Variants in MBP observed in about 807,000 individuals in gnomAD.
The protein encoded by MBP is myelin basic protein, also known as Golli-MBP.
In MBP, 16 loss-of-function variants were observed where a neutral mutation model predicts 35.8. That is an observed-to-expected ratio of 0.45 (90% CI 0.30 to 0.68). The LOEUF is 0.68. MBP is among the 30% of genes least tolerant of loss of function. MBP has a pLI of 0.08. For synonymous variants in MBP, 143 were observed against 159.6 expected, an observed-to-expected ratio of 0.90 and a Z score of 0.78; for missense variants, 380 against 404.7, an observed-to-expected ratio of 0.94 and a Z score of 0.52.
chr18:77,101,498 A>G lies in MBP; in HGVS notation c.51+3713T>C, dbSNP rs1383212943. On this transcript the variant is annotated intron_variant, in intron 2 of 8. Coordinates refer to ENST00000355994, the MANE Select transcript of MBP (RefSeq NM_001025101.2). The surrounding 1 kb of genome is among the most constrained non-coding windows in gnomAD (Gnocchi z 4.3). ...CCGCATGAGTGAATCATGAGTCAGG[A>G]GGGCAGGCTGCCCACTCCTCTGATG... Among the ~76,000 whole-genome samples the G allele has an allele frequency of 6.6e-6, 1 of 152,164 alleles. No individual in the cohort carries two copies.
intron 2 of MBP, among the ~76,000 whole-genome samples, chr18:77,099,269 C>T (rs556851813): frequency 1.4e-4 from 21 of 152,282 alleles, no homozygotes; most frequent in Middle Eastern, 3.4e-3. Flanking sequence ...GGCGTGGGCA[C>T]GGCCAGGGTT....
In MBP at chr18:77,044,201, G is replaced by C. The variant is rs1020069389; in HGVS notation, c.139+22097C>G. 1.6e-4 allele frequency among the ~76,000 whole-genome samples: 24 copies of C among 152,106 alleles called. No individual in the cohort carries two copies. The highest frequency in any genetic ancestry group is 5.6e-4 in the African/African-American group (23 of 41,420). ...CACAAGTGCCCTCCATCACCTGCTT[G>C]TGAACTCCTGACCACAGCAGCCTAC... On this transcript the variant is annotated intron_variant, in intron 3 of 8. Transcript: ENST00000355994. The surrounding 1 kb of genome is among the most constrained non-coding windows in gnomAD (Gnocchi z 4.4).
chr18:77,030,177 A>G (rs112904995), intron 3 of MBP, among the ~76,000 whole-genome samples: 1 of 149,776 alleles, frequency 6.7e-6, no homozygotes, highest in African/African-American at 2.5e-5. Flanking sequence ...TGGGAATCAG[A>G]CAATGGTTAG....
At chr18:77,118,612 C>CCA (rs71174609) in intron 1 of MBP, among the ~76,000 whole-genome samples, 10,680 of 133,930 alleles carry the variant, frequency 0.08, 465 homozygotes, top group South Asian at 0.13. Context: ...TCCACAGACA[C>CCA]CACACACACA....
intron 1 of MBP, among the ~76,000 whole-genome samples, chr18:77,128,519 T>C (rs987831190): frequency 4.8e-5 from 5 of 103,444 alleles, no homozygotes; most frequent in African/African-American, 2.4e-4. Flanking sequence ...CGCACGTGCA[T>C]ACCACACACA....
chr18:77,066,909 G>A (rs1037927973), intron 2 of MBP, among the ~76,000 whole-genome samples: 3 of 152,220 alleles, frequency 2.0e-5, no homozygotes, highest in African/African-American at 2.4e-5. Flanking sequence ...GTGTTATGGG[G>A]TGGGCCAGGC....
chr18:77,059,110 A>C (rs1973862132), intron 3 of MBP, among the ~76,000 whole-genome samples: 1 of 152,232 alleles, frequency 6.6e-6, no homozygotes, highest in Non-Finnish European at 1.5e-5. Context: ...AAGCCTATTA[A>C]AACAATTAAA....
At chr18:77,010,036 T>A in intron 4 of MBP, 1 of 720,470 alleles carries the variant, frequency 1.4e-6, no homozygotes, top group Non-Finnish European at 2.4e-6. Context: ...GAGCCCAGAG[T>A]GAGGAGGAGT....
At chr18:76,993,874 G>C (rs1033602662) in intron 4 of MBP, among the ~76,000 whole-genome samples, 1 of 152,232 alleles carries the variant, frequency 6.6e-6, no homozygotes, top group African/African-American at 2.4e-5. Flanking sequence ...CTTTGAACGT[G>C]AGGATGTCAG....
chr18:77,035,215 C>T (rs1972710351), intron 3 of MBP, among the ~76,000 whole-genome samples: 1 of 152,200 alleles, frequency 6.6e-6, no homozygotes, highest in Non-Finnish European at 1.5e-5. Flanking sequence ...TCATTCTAAG[C>T]TGGTGATCAA....
intron 4 of MBP, among the ~76,000 whole-genome samples, chr18:76,998,632 A>G (rs748629898): frequency 1.3e-5 from 2 of 152,202 alleles, no homozygotes; most frequent in Non-Finnish European, 2.9e-5. Flanking sequence ...AAGGAATAGC[A>G]GCACGCGGCA....
Position 76,988,755 on chromosome 18 carries a change from G to T in MBP, c.717+122C>A. ...ACCTGTTCTACTTGGGAGCTGCCTG[G>T]CAACACGTTTTGGGATGGATTCTGG... On this transcript the variant is annotated intron_variant, in intron 6 of 8. Coordinates refer to ENST00000355994, the MANE Select transcript of MBP (RefSeq NM_001025101.2). This position sits in a 1 kb window ranked among gnomAD's most constrained non-coding sequence, Gnocchi z 5.2. 1 of 1,361,286 alleles carries T rather than the reference G, an allele frequency of 7.3e-7. No homozygotes were observed. The allele number at this position is 1,361,286 out of a possible 1,614,324, so 84.3% of individuals were successfully genotyped here. A position where few individuals can be genotyped will look rare whatever the true frequency, so the allele number is the denominator to read the frequency against.
intron 2 of MBP, among the ~76,000 whole-genome samples, chr18:77,098,154 G>T: frequency 8.2e-6 from 1 of 121,690 alleles, no homozygotes. Context: ...TCTGAGGACA[G>T]ACACAAGGAC....
chr18:77,079,430 A>G (rs1412024631), intron 2 of MBP, among the ~76,000 whole-genome samples: 1 of 152,192 alleles, frequency 6.6e-6, no homozygotes, highest in African/African-American at 2.4e-5. Context: ...TCTCACCAGG[A>G]CATACAATGT....
chr18:77,078,675 C>A (rs964100773), intron 2 of MBP, among the ~76,000 whole-genome samples: 2 of 152,252 alleles, frequency 1.3e-5, no homozygotes, highest in African/African-American at 4.8e-5. Flanking sequence ...TGAAGAGCAA[C>A]TCCAGAGTTG....
At chr18:77,121,417 A>C (rs1472264752) in intron 1 of MBP, among the ~76,000 whole-genome samples, 1 of 152,220 alleles carries the variant, frequency 6.6e-6, no homozygotes, top group African/African-American at 2.4e-5. Flanking sequence ...ACTCTTTCCT[A>C]ATGAGGCTTT....
At chr18:77,063,356 C>T (rs1216452854) in intron 3 of MBP, among the ~76,000 whole-genome samples, 2 of 152,138 alleles carry the variant, frequency 1.3e-5, no homozygotes, top group African/African-American at 2.4e-5. Context: ...ATTGTTGCTG[C>T]TAAATAATGC....
chr18:77,125,938 C>A (rs1366322868), intron 1 of MBP, among the ~76,000 whole-genome samples: 2 of 150,494 alleles, frequency 1.3e-5, no homozygotes, highest in Non-Finnish European at 3.0e-5. Context: ...GAAGGAAATA[C>A]CCAAGAAAGA....
intron 2 of MBP, among the ~76,000 whole-genome samples, chr18:77,084,569 C>A (rs1975145161): frequency 6.6e-6 from 1 of 151,990 alleles, no homozygotes; most frequent in South Asian, 2.1e-4. Context: ...TATGTCAGAA[C>A]AATGTATAAT....
Sources: allele counts gnomAD v4.1 joint callset (sites outside exome capture counted in the v4.1 genomes callset), GRCh38; gene constraint gnomAD v4.1.1; non-coding constraint Gnocchi (gnomAD v3.1); transcripts MANE v1.5; gene names NCBI Gene and HGNC (gene_info 2026-07-23, HGNC 2026-07-21).